TNIK: variants seen among roughly 807,000 people sequenced by gnomAD.
TNIK encodes the protein TRAF2 and NCK-interacting protein kinase.
A neutral mutation model predicts 191.3 loss-of-function variants in TNIK; 49 were observed. The ratio of observed to expected loss-of-function variants is 0.26; its 90% CI spans 0.20 to 0.32. TNIK has a LOEUF of 0.32. Ranked by LOEUF, TNIK falls within the 10% of genes least tolerant of loss-of-function variation. The pLI is 1.00. For synonymous variants in TNIK, 594 were observed against 600.9 expected (o/e 0.99, Z 0.17); for missense variants, 1,155 against 1,702.3 (o/e 0.68, Z 5.66).
At chr3:171,459,876 A>C in intron 1 of TNIK, 131 bp downstream of exon 1, 49 of 1,146,688 alleles carry the variant, frequency 4.3e-5, no homozygotes, top group East Asian at 1.1e-4. Flanking sequence ...CAAAACGGGA[A>C]TCCAGGTTCC....
At chr3:171,189,539 G>C (rs944166707) in intron 6 of TNIK, among the ~76,000 whole-genome samples, 1 of 152,150 alleles carries the variant, frequency 6.6e-6, no homozygotes, top group Admixed American at 6.5e-5. Flanking sequence ...GTGATTAAAA[G>C]CAAAAGTCTG....
intron 2 of TNIK, among the ~76,000 whole-genome samples, chr3:171,277,547 G>A (rs1000825176): frequency 6.6e-6 from 1 of 151,974 alleles, no homozygotes; most frequent in African/African-American, 2.4e-5. Flanking sequence ...AATGTACAAC[G>A]TATCAGCAAC....
intron 1 of TNIK, among the ~76,000 whole-genome samples, chr3:171,414,741 C>T (rs564721509): frequency 6.6e-6 from 1 of 152,328 alleles, no homozygotes; most frequent in South Asian, 2.1e-4. Flanking sequence ...AAGTGTGTAA[C>T]CCACTGCTAA....
intron 12 of TNIK, among the ~76,000 whole-genome samples, chr3:171,141,177 T>C (rs1730782896): frequency 6.6e-6 from 1 of 152,218 alleles, no homozygotes; most frequent in South Asian, 2.1e-4. Context: ...CTCATACAAT[T>C]ACCATGCCTC....
At chr3:171,394,482 C>G (rs975859995) in intron 1 of TNIK, among the ~76,000 whole-genome samples, 2 of 150,518 alleles carry the variant, frequency 1.3e-5, no homozygotes, top group African/African-American at 4.9e-5. Flanking sequence ...GATCTATGTC[C>G]CCCAAAAGAC....
intron 1 of TNIK, among the ~76,000 whole-genome samples, chr3:171,442,500 T>C (rs748063665): frequency 6.6e-6 from 1 of 152,194 alleles, no homozygotes. Flanking sequence ...ACTCTTTCAA[T>C]CTAGAAAGCA....
chr3:171,351,269 A>ATGTGTGTGTGTGTGTGTGTGTGTGTGTG (rs140083535), intron 2 of TNIK, among the ~76,000 whole-genome samples: 108 of 147,052 alleles, frequency 7.3e-4, no homozygotes, highest in South Asian at 3.2e-3. Flanking sequence ...ATATATGTAT[A>ATGTGTGTGTGTGTGTGTGTGTGTGTGTG]TATGTGTGTG....
chr3:171,324,923 C>T (rs1755574964), intron 2 of TNIK, among the ~76,000 whole-genome samples: 1 of 151,534 alleles, frequency 6.6e-6, no homozygotes, highest in African/African-American at 2.4e-5. Context: ...ATGGTGAAAC[C>T]CCGTCTCTAC....
intron 23 of TNIK, among the ~76,000 whole-genome samples, chr3:171,090,279 T>C (rs1212429530): frequency 6.6e-6 from 1 of 152,198 alleles, no homozygotes; most frequent in Non-Finnish European, 1.5e-5. Flanking sequence ...AGCTCCTGTC[T>C]GTTCCAGTCC....
chr3:171,325,692 C>A (rs1201678636), intron 2 of TNIK, among the ~76,000 whole-genome samples: 2 of 152,170 alleles, frequency 1.3e-5, no homozygotes, highest in African/African-American at 4.8e-5. Context: ...CCAGTACAAA[C>A]AGCCAAGGTC....
chr3:171,372,330 G>A lies in TNIK; in HGVS notation c.58-2645C>T, dbSNP rs138657705. Reference sequence around the variant, plus strand: ...AACTAAAGAGTTCTACTGGCAACTGGCCTTGCATAGGCAACCAAACTGGAA... The same window carrying A: ...AACTAAAGAGTTCTACTGGCAACTGACCTTGCATAGGCAACCAAACTGGAA... On this transcript the variant is annotated intron_variant, in intron 1 of 32. Coordinates refer to ENST00000436636, the MANE Select transcript of TNIK (RefSeq NM_015028.4). 9.2e-5 allele frequency among the ~76,000 whole-genome samples: 14 copies of A among 152,334 alleles called. No homozygotes were observed. The East Asian group carries it at 2.7e-3, about 29-fold the overall frequency.
intron 1 of TNIK, among the ~76,000 whole-genome samples, chr3:171,393,591 T>C (rs1471728976): frequency 6.6e-6 from 1 of 152,230 alleles, no homozygotes; most frequent in Non-Finnish European, 1.5e-5. Context: ...CCAAAGGGAA[T>C]AACGTTACCC....
intron 1 of TNIK, among the ~76,000 whole-genome samples, chr3:171,459,306 C>A (rs1289893476): frequency 1.3e-5 from 2 of 152,040 alleles, no homozygotes; most frequent in African/African-American, 2.4e-5. Context: ...TCCCTTTCAC[C>A]TGCTTAAGTT....
chr3:171,327,072 T>C (rs1183385615), intron 2 of TNIK, among the ~76,000 whole-genome samples: 1 of 152,202 alleles, frequency 6.6e-6, no homozygotes, highest in Non-Finnish European at 1.5e-5. Context: ...AAGCTATCCC[T>C]GGGATGAGAC....
At chr3:171,154,336 A>G (rs78063672) in intron 12 of TNIK, among the ~76,000 whole-genome samples, 1 of 152,250 alleles carries the variant, frequency 6.6e-6, no homozygotes, top group African/African-American at 2.4e-5. Context: ...TATTTTTATA[A>G]CTGGACAATG....
chr3:171,391,981 A>G (rs1339910034), intron 1 of TNIK, among the ~76,000 whole-genome samples: 4 of 152,232 alleles, frequency 2.6e-5, no homozygotes, highest in Non-Finnish European at 4.4e-5. Flanking sequence ...AAAAACCTAG[A>G]CACCAAGAAA....
intron 2 of TNIK, among the ~76,000 whole-genome samples, chr3:171,285,691 C>T (rs1363616459): frequency 6.6e-6 from 1 of 152,180 alleles, no homozygotes; most frequent in Non-Finnish European, 1.5e-5. Flanking sequence ...AACCCCTATT[C>T]CTCCATTCTG....
intron 22 of TNIK, among the ~76,000 whole-genome samples, chr3:171,100,408 T>TAATC (rs1481797887): frequency 2.6e-5 from 4 of 152,156 alleles, no homozygotes; most frequent in African/African-American, 9.7e-5. Flanking sequence ...GTAATGATGT[T>TAATC]AATCAGTGAA....
At chr3:171,379,493 G>A (rs16856233) in intron 1 of TNIK, among the ~76,000 whole-genome samples, 4,853 of 152,136 alleles carry the variant, frequency 0.032, 229 homozygotes, top group African/African-American at 0.11. Context: ...CCCAAGTCAC[G>A]ACTACAAACC....
Sources: allele counts gnomAD v4.1 joint callset (sites outside exome capture counted in the v4.1 genomes callset), GRCh38; gene constraint gnomAD v4.1.1; transcripts MANE v1.5; gene names NCBI Gene and HGNC (gene_info 2026-07-23, HGNC 2026-07-21).